GLRA2: variants seen among roughly 807,000 people sequenced by gnomAD.
The protein encoded by GLRA2 is glycine receptor subunit alpha-2.
GLRA2 carries 11 observed loss-of-function variants against 31.6 expected under a neutral mutation model. The observed-to-expected ratio is 0.35, with a 90% CI of 0.22 to 0.58. The LOEUF (loss-of-function observed/expected upper bound fraction) is 0.58. GLRA2 is among the 20% of genes least tolerant of loss of function. The pLI is 0.84. For synonymous variants in GLRA2, 132 were observed against 134.0 expected, an observed-to-expected ratio of 0.99 and a Z score of 0.10; for missense variants, 212 against 351.8, an observed-to-expected ratio of 0.60 and a Z score of 3.18.
At chrX:14,575,243 C>T (rs1369096256) in intron 3 of GLRA2, among the ~76,000 whole-genome samples, 4 of 107,474 alleles carry the variant, frequency 3.7e-5, no homozygotes, top group African/African-American at 1.0e-4. Flanking sequence ...CTCTGTCACC[C>T]GGGCTGGAGT....
intron 7 of GLRA2, among the ~76,000 whole-genome samples, chrX:14,619,460 C>T (rs1200981726): frequency 9.0e-6 from 1 of 111,178 alleles, no homozygotes; most frequent in East Asian, 2.9e-4. Context: ...CTGCTTCAGG[C>T]ACACTGACCT....
chrX:14,572,865 T>C (rs1335247299), intron 2 of GLRA2, among the ~76,000 whole-genome samples: 2 of 112,442 alleles, frequency 1.8e-5, no homozygotes, highest in Non-Finnish European at 3.8e-5. Context: ...TTGATAGTCC[T>C]GGTTTGCATC....
In GLRA2 at chrX:14,730,298, C is replaced by T. The variant is rs144022438; in HGVS notation, c.1172C>T (p.Ala391Val). The change falls in exon 9 of 9, where the codon GCC becomes GTC. Residue 391 changes from alanine to valine, a missense_variant. Transcript: ENST00000218075. ...LQVKDGTAVK[A>V]TPANPLPQPP... The stretch of plus-strand genomic sequence containing the variant: ...GTGAAAGATGGAACAGCTGTCAAGG[C>T]CACACCTGCCAACCCACTCCCACAA... 1.2e-4 allele frequency: 148 copies of T among 1,205,998 alleles called. No homozygotes were observed. The African/African-American group carries it at 2.4e-3, about 19-fold the overall frequency.
intron 2 of GLRA2, among the ~76,000 whole-genome samples, chrX:14,572,644 A>G (rs1431446791): frequency 8.9e-6 from 1 of 112,613 alleles, no homozygotes; most frequent in Non-Finnish European, 1.9e-5. Context: ...AGATGCTGAC[A>G]TAAGAGGGGC....
At chrX:14,581,502 C>A in intron 4 of GLRA2, 96 bp downstream of exon 4, 1 of 517,017 alleles carries the variant, frequency 1.9e-6, no homozygotes. Context: ...GAATATTTGA[C>A]TTTTGTGGTT....
rs183326398 is a variant in GLRA2 at position 14,560,627 on chromosome X, C to T, written c.203-13706C>T. Among the ~76,000 whole-genome samples, 56 of 109,334 alleles carry T rather than the reference C, an allele frequency of 5.1e-4. No homozygotes were observed. In the South Asian group the frequency reaches 8.0e-3, roughly 16 times the overall value. The allele number at this position is 109,334 out of a possible 115,157, so 94.9% of individuals were successfully genotyped here. A position where few individuals can be genotyped will look rare whatever the true frequency, so the allele number is the denominator to read the frequency against. On this transcript the variant is annotated intron_variant, in intron 2 of 8. Coordinates refer to ENST00000218075, the MANE Select transcript of GLRA2 (RefSeq NM_002063.4). Reference sequence around the variant, plus strand: ...GAGTTCAAGACCAGCCTGGGCAACACGGTGAGACCCCCGTCTCTACAAACA... The same window carrying T: ...GAGTTCAAGACCAGCCTGGGCAACATGGTGAGACCCCCGTCTCTACAAACA...
intron 2 of GLRA2, among the ~76,000 whole-genome samples, chrX:14,547,088 ATAT>A (rs1440773168): frequency 8.9e-6 from 1 of 111,779 alleles, no homozygotes; most frequent in Non-Finnish European, 1.9e-5. Flanking sequence ...CCTTTAAAAA[ATAT>A]TATTGACTTT....
chrX:14,569,323 A>G (rs1368612802), intron 2 of GLRA2, among the ~76,000 whole-genome samples: 1 of 112,440 alleles, frequency 8.9e-6, no homozygotes, highest in Non-Finnish European at 1.9e-5. Context: ...AAAGGACATT[A>G]TGAAGAAAGT....
intron 2 of GLRA2, among the ~76,000 whole-genome samples, chrX:14,544,452 T>C: frequency 9.0e-6 from 1 of 111,708 alleles, no homozygotes; most frequent in Middle Eastern, 4.7e-3. Flanking sequence ...AATGGGTAAA[T>C]CTTGTAGTTG....
intron 8 of GLRA2, among the ~76,000 whole-genome samples, chrX:14,726,341 T>G (rs183889454): frequency 8.9e-6 from 1 of 112,265 alleles, no homozygotes; most frequent in South Asian, 3.7e-4. Context: ...TACCATAAAG[T>G]TCTATATTTA....
intron 7 of GLRA2, among the ~76,000 whole-genome samples, chrX:14,667,444 T>C (rs112061382): frequency 2.1e-4 from 23 of 111,839 alleles, no homozygotes; most frequent in African/African-American, 7.5e-4. Flanking sequence ...AATGAATGGG[T>C]ATGGCTTTGT....
intron 8 of GLRA2, among the ~76,000 whole-genome samples, chrX:14,698,463 G>A (rs2091481341): frequency 9.1e-6 from 1 of 109,377 alleles, no homozygotes; most frequent in Admixed American, 9.8e-5. Context: ...TGGATCACCT[G>A]AGGGCAAGAG....
At chrX:14,590,369 T>C (rs2090133254) in intron 4 of GLRA2, among the ~76,000 whole-genome samples, 1 of 111,594 alleles carries the variant, frequency 9.0e-6, no homozygotes, top group Non-Finnish European at 1.9e-5. Flanking sequence ...AACAATCTTG[T>C]CTAATGACCA....
chrX:14,539,229 G>T (rs1055878570), intron 2 of GLRA2, among the ~76,000 whole-genome samples: 18 of 110,754 alleles, frequency 1.6e-4, no homozygotes, highest in Admixed American at 5.8e-4. Flanking sequence ...TATTTTTCTT[G>T]GTGTGTTGCT....
intron 4 of GLRA2, among the ~76,000 whole-genome samples, chrX:14,583,523 G>C (rs759577341): frequency 3.5e-4 from 39 of 112,155 alleles, no homozygotes; most frequent in Admixed American, 3.3e-3. Context: ...TGGATCACGA[G>C]GTCAGGAGTT....
chrX:14,457,873 CT>C, the GLRA2 span, among the ~76,000 whole-genome samples: 13 of 106,166 alleles, frequency 1.2e-4, no homozygotes, highest in Admixed American at 2.0e-4. Flanking sequence ...CGTTTCTTGA[CT>C]TTTTTTTTTA....
intron 4 of GLRA2, among the ~76,000 whole-genome samples, chrX:14,599,864 C>T (rs1195053505): frequency 1.8e-5 from 2 of 111,546 alleles, no homozygotes; most frequent in Non-Finnish European, 3.8e-5. Context: ...TTTAGATGCA[C>T]GGTAGACTGG....
At chrX:14,629,585 G>A (rs941293543) in intron 7 of GLRA2, among the ~76,000 whole-genome samples, 5 of 111,488 alleles carry the variant, frequency 4.5e-5, no homozygotes, top group Middle Eastern at 9.3e-3. Context: ...AGACCATTTC[G>A]ATTTCCTATG....
intron 8 of GLRA2, among the ~76,000 whole-genome samples, chrX:14,691,271 CTGTGTGTGTGTGTGTGTGTGTGTGTG>C (rs4014173): frequency 3.8e-3 from 325 of 85,270 alleles, no homozygotes; most frequent in Non-Finnish European, 5.7e-3. Context: ...TAAATATTGA[CTGTGTGTGTGTGTGTGTGTGTGTGTG>C]TGTGTGTGTG....
Sources: allele counts gnomAD v4.1 joint callset (sites outside exome capture counted in the v4.1 genomes callset), GRCh38; gene constraint gnomAD v4.1.1; transcripts MANE v1.5; gene names NCBI Gene and HGNC (gene_info 2026-07-23, HGNC 2026-07-21).